RYR2: variants seen among roughly 807,000 people sequenced by gnomAD.
The protein encoded by RYR2 is cardiac muscle ryanodine receptor-calcium release channel.
RYR2 carries 227 observed loss-of-function variants against 601.1 expected under a neutral mutation model. The observed-to-expected ratio is 0.38, with a 90% CI of 0.34 to 0.42. The LOEUF is 0.42. Ranked by LOEUF, RYR2 falls within the 10% of genes least tolerant of loss-of-function variation. The pLI is 1.00. For missense variants in RYR2, 4,646 were observed against 6,156.5 expected (o/e 0.75, Z 8.21); for synonymous variants, 2,223 against 2,175.1 (o/e 1.02, Z -0.61).
intron 1 of RYR2, among the ~76,000 whole-genome samples, chr1:237,241,986 T>C (rs1686223432): frequency 1.3e-5 from 2 of 152,192 alleles, no homozygotes; most frequent in African/African-American, 4.8e-5. Context: ...TCTTGTGACC[T>C]GTGTCTTGGG....
chr1:237,129,784 G>A (rs1671956678), intron 1 of RYR2, among the ~76,000 whole-genome samples: 1 of 151,762 alleles, frequency 6.6e-6, no homozygotes, highest in African/African-American at 2.4e-5. Flanking sequence ...GTCATTCTTG[G>A]CAACATGAAT....
intron 1 of RYR2, among the ~76,000 whole-genome samples, chr1:237,221,237 A>G (rs1683770697): frequency 6.6e-6 from 1 of 152,216 alleles, no homozygotes; most frequent in South Asian, 2.1e-4. Context: ...ATGTTAATTT[A>G]TTGATATTCT....
intron 2 of RYR2, among the ~76,000 whole-genome samples, chr1:237,306,694 C>A (rs946472210): frequency 2.6e-5 from 4 of 152,142 alleles, no homozygotes; most frequent in Non-Finnish European, 4.4e-5. Flanking sequence ...CATTAAAAAA[C>A]CACAGAAGTA....
At chr1:237,292,746 ATGT>A (rs1692366292) in intron 2 of RYR2, among the ~76,000 whole-genome samples, 1 of 152,132 alleles carries the variant, frequency 6.6e-6, no homozygotes, top group African/African-American at 2.4e-5. Context: ...GCTTTCCTAG[ATGT>A]TGTTGTAACC....
chr1:237,742,218 CTA>C, intron 79 of RYR2, 76 bp from the exon 80 acceptor site: 2 of 891,220 alleles, frequency 2.2e-6, no homozygotes, highest in Non-Finnish European at 3.5e-6. Flanking sequence ...ATTTGCTCTT[CTA>C]TGTCTAATGT....
intron 2 of RYR2, among the ~76,000 whole-genome samples, chr1:237,323,707 G>A (rs1371787089): frequency 6.6e-6 from 1 of 152,128 alleles, no homozygotes; most frequent in African/African-American, 2.4e-5. Flanking sequence ...GTGGGTCTTT[G>A]TAGCCGCAAT....
chr1:237,741,959 A>T (rs1691644718), intron 79 of RYR2, among the ~76,000 whole-genome samples: 1 of 152,016 alleles, frequency 6.6e-6, no homozygotes, highest in African/African-American at 2.4e-5. Flanking sequence ...ATGGCAGCAT[A>T]AAAAAAAGAG....
At chr1:237,306,518 T>C (rs1028648781) in intron 2 of RYR2, among the ~76,000 whole-genome samples, 1 of 152,222 alleles carries the variant, frequency 6.6e-6, no homozygotes, top group African/African-American at 2.4e-5. Context: ...TGGATATTAA[T>C]GAGAATGGAA....
chr1:237,529,760 T>TACACACACACAC (rs71561882), intron 24 of RYR2, among the ~76,000 whole-genome samples: 7,788 of 134,456 alleles, frequency 0.058, 301 homozygotes, highest in Middle Eastern at 0.078. Flanking sequence ...AATAATATCA[T>TACACACACACAC]ACACACACAC....
At chr1:237,256,455 A>C (rs1040984594) in intron 1 of RYR2, among the ~76,000 whole-genome samples, 3 of 152,108 alleles carry the variant, frequency 2.0e-5, no homozygotes, top group Non-Finnish European at 4.4e-5. Flanking sequence ...TCATCAGTAG[A>C]TTACCATTTC....
At chr1:237,197,306 T>C (rs1680679419) in intron 1 of RYR2, among the ~76,000 whole-genome samples, 1 of 152,236 alleles carries the variant, frequency 6.6e-6, no homozygotes, top group Non-Finnish European at 1.5e-5. Flanking sequence ...TGATATTTGC[T>C]ATAGGATTTC....
intron 1 of RYR2, among the ~76,000 whole-genome samples, chr1:237,217,800 A>G (rs937687979): frequency 6.6e-6 from 1 of 152,200 alleles, no homozygotes; most frequent in South Asian, 2.1e-4. Context: ...CACCCTGAGT[A>G]TGCCCCAAGA....
chr1:237,523,679 G>A (rs1165384474), intron 24 of RYR2, among the ~76,000 whole-genome samples: 2 of 151,870 alleles, frequency 1.3e-5, no homozygotes, highest in South Asian at 2.1e-4. Flanking sequence ...AGTGGTTGCC[G>A]TGAGCCGAGA....
chr1:237,315,121 A>T (rs966847823), intron 2 of RYR2, among the ~76,000 whole-genome samples: 4 of 152,192 alleles, frequency 2.6e-5, no homozygotes, highest in Non-Finnish European at 5.9e-5. Context: ...CTACATGTGA[A>T]TGAATAAGAT....
chr1:237,819,276 G>A lies in RYR2; in HGVS notation c.14590+84G>A. Reference sequence around the variant, plus strand: ...AAGTTAATATTCAAGGTAGGGTAATGACGTCAAGTGTTTCCTGGCAAAGCC... The same window carrying A: ...AAGTTAATATTCAAGGTAGGGTAATAACGTCAAGTGTTTCCTGGCAAAGCC... On this transcript the variant is annotated intron_variant, in intron 101 of 104. Transcript: ENST00000366574. The surrounding 1 kb of genome is among the most constrained non-coding windows in gnomAD (Gnocchi z 4.0). 2.3e-6 allele frequency: 3 copies of A among 1,293,832 alleles called. No homozygotes were observed. The highest frequency in any genetic ancestry group is 3.3e-6 in the Non-Finnish European group (3 of 919,190). 80.1% of individuals were successfully genotyped at this position (1,293,832 alleles called of 1,614,324 possible).
chr1:237,667,859 G>T (rs537273441), intron 57 of RYR2, 24 bp from the exon 58 acceptor site: 4 of 1,522,966 alleles, frequency 2.6e-6, no homozygotes, highest in South Asian at 1.3e-5. Context: ...TTATTGAAAC[G>T]ATAAATATTT....
rs781146329 is a variant in RYR2, at chr1:237,702,010, C to T, written c.9400C>T (p.Leu3134=). 1.2e-6 allele frequency: 2 copies of T among 1,608,648 alleles called. No individual in the cohort carries two copies. Among genetic ancestry groups the T allele is most frequent in the Middle Eastern group, 1.7e-4 (1 of 6,044 alleles). Residue 3134 remains leucine, a synonymous_variant, in exon 66 of 105, where the codon CTG becomes TTG. Coordinates refer to ENST00000366574, the MANE Select transcript of RYR2 (RefSeq NM_001035.3). The stretch of plus-strand genomic sequence containing the variant: ...TGTCCAGGTGTCTTGTTATAGAATT[C>T]TGACTAGCTTATATGCTTTGGGAAC... The part of the protein sequence containing the change: ...EDVQVSCYRI[L]TSLYALGTSK...
At chr1:237,413,501 A>G (rs1393210239) in intron 10 of RYR2, among the ~76,000 whole-genome samples, 2 of 152,184 alleles carry the variant, frequency 1.3e-5, no homozygotes, top group East Asian at 1.9e-4. Context: ...TAACTTTACA[A>G]AGATATATTA....
chr1:237,771,256 A>T (rs1365960525), intron 85 of RYR2, among the ~76,000 whole-genome samples: 1 of 151,928 alleles, frequency 6.6e-6, no homozygotes, highest in East Asian at 1.9e-4. Context: ...CAAAAAATTT[A>T]AAAAATTATC....
Sources: gnomAD v4.1 joint callset for allele counts (sites outside exome capture counted in the v4.1 genomes callset) on GRCh38, gnomAD v4.1.1 for gene constraint, Gnocchi (gnomAD v3.1) non-coding constraint, MANE v1.5 for transcripts, NCBI Gene and HGNC (gene_info 2026-07-23, HGNC 2026-07-21) for gene names.